Variants in CRYBG1 observed in about 807,000 individuals in gnomAD.
CRYBG1 encodes the protein beta/gamma crystallin domain-containing protein 1.
CRYBG1 carries 139 observed loss-of-function variants against 189.2 expected under a neutral mutation model. That is an observed-to-expected ratio of 0.73 (90% CI 0.64 to 0.85). The LOEUF is 0.85. Ranked by LOEUF, CRYBG1 falls within the 40% of genes least tolerant of loss-of-function variation. CRYBG1 has a pLI of 0.00. For synonymous variants in CRYBG1, 1,023 were observed against 1,017.1 expected (o/e 1.01, Z -0.11); for missense variants, 2,611 against 2,675.8 (o/e 0.98, Z 0.53).
At chr6:106,530,532 TGG>T in intron 8 of CRYBG1, among the ~76,000 whole-genome samples, 1 of 151,560 alleles carries the variant, frequency 6.6e-6, no homozygotes, top group East Asian at 2.0e-4. Context: ...TTATAGGAAA[TGG>T]GGGGGGATTG....
chr6:106,426,862 A>G (rs957516448), intron 1 of CRYBG1, among the ~76,000 whole-genome samples: 3 of 152,256 alleles, frequency 2.0e-5, no homozygotes, highest in African/African-American at 7.2e-5. Flanking sequence ...ACATGGAAGG[A>G]AACATCAGGT....
chr6:106,368,149 C>A (rs1362199872), intron 1 of CRYBG1, among the ~76,000 whole-genome samples: 1 of 152,090 alleles, frequency 6.6e-6, no homozygotes, highest in Non-Finnish European at 1.5e-5. Context: ...CATGGTGGCT[C>A]ACACCTATAA....
Position 106,519,685 on chromosome 6 carries a change from T to C in CRYBG1, c.2477T>C (p.Leu826Pro), listed in dbSNP as rs747703950. 1 of 1,614,206 alleles carries C rather than the reference T, an allele frequency of 6.2e-7. No individual in the cohort carries two copies. Residue 826 changes from leucine (L) to proline (P), a missense_variant, in exon 4 of 22, where the codon CTT becomes CCT. By Grantham distance (98) the Leu-to-Pro change is moderately conservative (BLOSUM62 -3). This residue lies in a region of CRYBG1 where 1,622 missense variants were observed against 1,735.0 expected (regional missense o/e 0.93). Coordinates refer to ENST00000633556, the MANE Select transcript of CRYBG1 (RefSeq NM_001371242.2). ...TCAGAGGCTGCAGACAGCAAAAGCC[T>C]TGTACTTGAAAATGTAACCGATACA... ...EDSEAADSKS[L>P]VLENVTDTAQ...
chr6:106,568,221 G>A (rs749954645), intron 21 of CRYBG1, among the ~76,000 whole-genome samples: 9 of 152,206 alleles, frequency 5.9e-5, no homozygotes, highest in Non-Finnish European at 1.2e-4. Context: ...AAAGGAGCCC[G>A]TGAGGTGGGA....
intron 1 of CRYBG1, among the ~76,000 whole-genome samples, chr6:106,434,959 T>G (rs1233480713): frequency 6.6e-6 from 1 of 152,340 alleles, no homozygotes; most frequent in East Asian, 1.9e-4. Context: ...AAAGAGGCTG[T>G]AGGGTAAATG....
At position 106,512,720 on chromosome 6, in the gene CRYBG1, G is replaced by T. The variant is rs748683370; in HGVS notation, c.1603G>T (p.Ala535Ser). 4 of 1,555,970 alleles carry T rather than the reference G, an allele frequency of 2.6e-6. No individual in the cohort carries two copies. The highest frequency in any genetic ancestry group is 2.4e-5 in the South Asian group (2 of 84,428). ...CGCCCCGCCCGCCAGCGGCCCCCGG[G>T]CTCCCGCCAAGGAGTCCCCACCCAA... is the stretch of plus-strand genomic sequence containing the variant. Reference protein sequence around the residue: ...VPAPPASGPRAPAKESPPKRV... With the variant: ...VPAPPASGPRSPAKESPPKRV... Residue 535 changes from alanine (A) to serine (S), a missense_variant, in exon 3 of 22, where the codon GCT (alanine) becomes TCT (serine). Transcript: ENST00000633556.
At chr6:106,480,537 T>C (rs1305843920) in intron 2 of CRYBG1, among the ~76,000 whole-genome samples, 1 of 150,368 alleles carries the variant, frequency 6.7e-6, no homozygotes, top group Admixed American at 6.6e-5. Flanking sequence ...CATGGTGGCA[T>C]GCACCTGTAG....
intron 1 of CRYBG1, among the ~76,000 whole-genome samples, chr6:106,370,677 A>G (rs1005996749): frequency 2.6e-5 from 4 of 152,218 alleles, no homozygotes; most frequent in African/African-American, 7.2e-5. Flanking sequence ...ACTGAAGTTC[A>G]TGGAAGGTAA....
At chr6:106,538,971 T>C (rs1360095314) in intron 8 of CRYBG1, among the ~76,000 whole-genome samples, 1 of 152,148 alleles carries the variant, frequency 6.6e-6, no homozygotes. Context: ...TATAGCTGTG[T>C]GGCCTTGGGC....
At chr6:106,526,664 A>G (rs542880370) in intron 6 of CRYBG1, among the ~76,000 whole-genome samples, 1 of 152,264 alleles carries the variant, frequency 6.6e-6, no homozygotes, top group East Asian at 1.9e-4. Flanking sequence ...ACAAAAGGCC[A>G]GACATGGTGG....
intron 1 of CRYBG1, among the ~76,000 whole-genome samples, chr6:106,391,069 A>T (rs1311188522): frequency 6.6e-6 from 1 of 152,216 alleles, no homozygotes; most frequent in African/African-American, 2.4e-5. Flanking sequence ...GTTGCTTGTC[A>T]GTTCTTTCTT....
At chr6:106,403,312 G>C (rs965938356) in intron 1 of CRYBG1, among the ~76,000 whole-genome samples, 1 of 152,198 alleles carries the variant, frequency 6.6e-6, no homozygotes, top group Non-Finnish European at 1.5e-5. Context: ...CTGGCTGACA[G>C]AGCAAGACCC....
intron 2 of CRYBG1, among the ~76,000 whole-genome samples, chr6:106,487,173 T>A (rs1772609878): frequency 6.6e-6 from 1 of 152,158 alleles, no homozygotes; most frequent in African/African-American, 2.4e-5. Context: ...TTAACTTTGG[T>A]TCCATACAAA....
chr6:106,547,271 G>A (rs972524882), intron 13 of CRYBG1, among the ~76,000 whole-genome samples: 4 of 152,124 alleles, frequency 2.6e-5, no homozygotes, highest in Admixed American at 2.6e-4. Context: ...AGGGCCAGGT[G>A]CTTCCTCATA....
At chr6:106,509,099 T>C (rs1773191477) in intron 2 of CRYBG1, among the ~76,000 whole-genome samples, 1 of 152,182 alleles carries the variant, frequency 6.6e-6, no homozygotes, top group Non-Finnish European at 1.5e-5. Flanking sequence ...TCAAACCTAT[T>C]TTCCCTGGCT....
At chr6:106,400,310 T>A (rs995437696) in intron 1 of CRYBG1, among the ~76,000 whole-genome samples, 2 of 152,222 alleles carry the variant, frequency 1.3e-5, no homozygotes, top group African/African-American at 4.8e-5. Flanking sequence ...CAATATTAAT[T>A]AAATATGTTC....
intron 2 of CRYBG1, among the ~76,000 whole-genome samples, chr6:106,475,977 G>A (rs577351005): frequency 3.3e-5 from 5 of 152,264 alleles, no homozygotes; most frequent in African/African-American, 1.2e-4. Flanking sequence ...AGACAGAATA[G>A]AATAGAAAAT....
rs919100789 is a variant in CRYBG1 at position 106,542,805 on chromosome 6, T to G, written c.4882-635T>G. Among the ~76,000 whole-genome samples the G allele has an allele frequency of 2.1e-5, 3 of 144,822 alleles. No homozygotes were observed. The Admixed American group carries it at 2.1e-4, about 10-fold the overall frequency. ...CTGAGATTACAGGTGTGCATCACTA[T>G]GCCCAGCTAATTTTTGTATTTTTAG... is the stretch of plus-strand genomic sequence containing the variant. On this transcript the variant is annotated intron_variant, in intron 10 of 21. Transcript: ENST00000633556.
At position 106,399,810 on chromosome 6, in the gene CRYBG1, C is replaced by T. The variant is rs1770687684; in HGVS notation, c.173+38729C>T. On this transcript the variant is annotated intron_variant, in intron 1 of 21. Coordinates refer to ENST00000633556, the MANE Select transcript of CRYBG1 (RefSeq NM_001371242.2). The stretch of plus-strand genomic sequence containing the variant: ...TAGATGGGACCGTAGGCATGCACCG[C>T]CATGCCCAGCTAATTCTTTTACCTT... Among the ~76,000 whole-genome samples, 4 of 151,988 alleles carry T rather than the reference C, an allele frequency of 2.6e-5. No individual in the cohort carries two copies. The South Asian group carries it at 8.3e-4, about 32-fold the overall frequency.
Sources: gnomAD v4.1 joint callset for allele counts (sites outside exome capture counted in the v4.1 genomes callset) on GRCh38, gnomAD v4.1.1 for gene constraint, gnomAD v4.1.1 regional missense constraint, MANE v1.5 for transcripts, NCBI Gene and HGNC (gene_info 2026-07-23, HGNC 2026-07-21) for gene names.